Variants in XPO7 observed in about 807,000 individuals in gnomAD.
XPO7 encodes the protein exportin-7.
A neutral mutation model predicts 144.3 loss-of-function variants in XPO7; 21 were observed. That is an observed-to-expected ratio of 0.15 (90% confidence interval 0.10 to 0.21). The LOEUF (loss-of-function observed/expected upper bound fraction) is 0.21. Among genes scored for constraint, XPO7 ranks in the 10% least tolerant of loss-of-function variants. XPO7 has a pLI of 1.00. For missense variants in XPO7, 808 were observed against 1,325.8 expected, an observed-to-expected ratio of 0.61 and a Z score of 6.06; for synonymous variants, 580 against 499.6, an observed-to-expected ratio of 1.16 and a Z score of -2.15.
intron 1 of XPO7, among the ~76,000 whole-genome samples, chr8:21,952,577 GACTT>G (rs1335158680): frequency 6.6e-6 from 1 of 152,184 alleles, no homozygotes; most frequent in Non-Finnish European, 1.5e-5. Context: ...ACTTTGAAAT[GACTT>G]TATAAATTTA....
At chr8:21,969,006 T>C (rs141239644) in intron 2 of XPO7, among the ~76,000 whole-genome samples, 4 of 152,348 alleles carry the variant, frequency 2.6e-5, no homozygotes, top group African/African-American at 4.8e-5. Flanking sequence ...AAAGATACAA[T>C]TTGGAGACAA....
intron 1 of XPO7, among the ~76,000 whole-genome samples, chr8:21,966,555 T>G (rs1467010205): frequency 6.6e-6 from 1 of 152,174 alleles, no homozygotes; most frequent in Non-Finnish European, 1.5e-5. Flanking sequence ...TTCAAAGCCT[T>G]TTAGGAAAGC....
intron 8 of XPO7, among the ~76,000 whole-genome samples, chr8:21,979,409 CGTTTTTTTTT>C (rs1812331194): frequency 8.0e-6 from 1 of 124,738 alleles, no homozygotes; most frequent in Non-Finnish European, 1.7e-5. Context: ...TTTTTTTTTT[CGTTTTTTTTT>C]GTTTTTGAGA....
intron 9 of XPO7, 54 bp from the exon 10 acceptor site, chr8:21,981,677 T>A: frequency 1.9e-6 from 3 of 1,601,368 alleles, no homozygotes; most frequent in Non-Finnish European, 2.6e-6. Flanking sequence ...ACATCATTCT[T>A]GAAGTATGTT....
chr8:21,971,932 A>G lies in XPO7; in HGVS notation c.483A>G (p.Glu161=). 6.2e-7 allele frequency: 1 copy of G among 1,613,598 alleles called. No homozygotes were observed. The highest frequency in any genetic ancestry group is 8.5e-7 in the Non-Finnish European group (1 of 1,179,722). ...CAATTTTATCTCAGCTAACCAATGA[A>G]ATTAATCAAGTAAGTGCTACAGCCT... ...GVTILSQLTN[E]INQADTTHPL... The change falls in exon 5 of 28, where the codon GAA becomes GAG. Residue 161 remains glutamate, a synonymous_variant. Coordinates refer to ENST00000252512, the MANE Select transcript of XPO7 (RefSeq NM_015024.5).
intron 1 of XPO7, among the ~76,000 whole-genome samples, chr8:21,952,235 A>G (rs138559576): frequency 3.3e-5 from 5 of 152,320 alleles, no homozygotes; most frequent in African/African-American, 1.2e-4. Flanking sequence ...TTTGTTACAC[A>G]GTTTGCTAGG....
In XPO7 at chr8:21,977,793, C is replaced by A; in HGVS notation, c.787C>A (p.Gln263Lys). The A allele has an allele frequency of 6.2e-7, 1 of 1,613,988 alleles. No homozygotes were observed. The highest frequency in any genetic ancestry group is 1.1e-5 in the South Asian group (1 of 91,072). ...RSAFLDSSTL[Q>K]LFFDLYHSIP... ...AGCCTTCTTAGATTCTTCAACCTTG[C>A]AGCTGTTTTTTGACCTGTATCATTC... The change falls in exon 8 of 28, where the codon CAG becomes AAG. Residue 263 changes from glutamine to lysine, a missense_variant. By Grantham distance (53) the Gln-to-Lys change is moderately conservative (BLOSUM62 1). Coordinates refer to ENST00000252512, the MANE Select transcript of XPO7 (RefSeq NM_015024.5).
chr8:21,961,802 A>G (rs773232394), intron 1 of XPO7, among the ~76,000 whole-genome samples: 17 of 152,184 alleles, frequency 1.1e-4, no homozygotes, highest in Non-Finnish European at 2.1e-4. Context: ...AGCTGGGACT[A>G]CAGGCACACG....
chr8:21,942,813 T>G (rs1422588991), intron 1 of XPO7, among the ~76,000 whole-genome samples: 1 of 152,250 alleles, frequency 6.6e-6, no homozygotes, highest in Non-Finnish European at 1.5e-5. Flanking sequence ...TCACAAGATG[T>G]GTCCTCAAGT....
rs1813333637 is a variant in XPO7, at chr8:22,006,430, C to G, written c.*1342C>G. 1 of 152,158 alleles carries G rather than the reference C, an allele frequency of 6.6e-6. No homozygotes were observed. The highest frequency in any genetic ancestry group is 6.5e-5 in the Admixed American group (1 of 15,268). The allele number at this position is 152,158 out of a possible 1,614,324, so 9.4% of individuals were successfully genotyped here. A position where few individuals can be genotyped will look rare whatever the true frequency, so the allele number is the denominator to read the frequency against. On this transcript the variant is annotated 3_prime_UTR_variant, in exon 28 of 28. Transcript: ENST00000252512. ...TTATTTTTATTTCTTTCCTCTACCC[C>G]CAGAAACAAGCCTGTTAATTTTTTT... is the stretch of plus-strand genomic sequence containing the variant.
In XPO7 at chr8:22,005,479, G is replaced by T. The variant is rs1813297637; in HGVS notation, c.*391G>T. 1 of 155,358 alleles carries T rather than the reference G, an allele frequency of 6.4e-6. No individual in the cohort carries two copies. Among genetic ancestry groups the T allele is most frequent in the Non-Finnish European group, 1.4e-5 (1 of 70,006 alleles). 9.6% of individuals were successfully genotyped at this position (155,358 alleles called of 1,614,324 possible). The stretch of plus-strand genomic sequence containing the variant: ...ATTGACTCAAGTTTAAAAACAAAAA[G>T]TGTGACTGAAAAATTTTTACAGAGT... On this transcript the variant is annotated 3_prime_UTR_variant, in exon 28 of 28. Transcript: ENST00000252512.
chr8:21,967,066 T>G, intron 2 of XPO7, 63 bp downstream of exon 2: 9 of 1,551,974 alleles, frequency 5.8e-6, no homozygotes, highest in South Asian at 1.2e-5. Flanking sequence ...TCTGGTTCTC[T>G]GTGTAGGAAT....
At chr8:22,003,099 T>C (rs1585488326) in intron 25 of XPO7, 120 bp from the exon 26 acceptor site, 2 of 549,264 alleles carry the variant, frequency 3.6e-6, no homozygotes, top group East Asian at 6.8e-5. Flanking sequence ...ACTATTTGTC[T>C]GATTTACCCT....
At chr8:21,993,435 A>G (rs1368512834) in intron 19 of XPO7, among the ~76,000 whole-genome samples, 1 of 152,150 alleles carries the variant, frequency 6.6e-6, no homozygotes, top group Non-Finnish European at 1.5e-5. Context: ...GTTTTTGCCA[A>G]ACGTGTCAAG....
intron 1 of XPO7, among the ~76,000 whole-genome samples, chr8:21,958,816 C>T (rs992018185): frequency 6.6e-6 from 1 of 151,968 alleles, no homozygotes; most frequent in Admixed American, 6.6e-5. Flanking sequence ...CAAAAACCAG[C>T]CGAACATGGT....
At chr8:21,975,301 T>C (rs916133713) in intron 6 of XPO7, among the ~76,000 whole-genome samples, 1 of 152,248 alleles carries the variant, frequency 6.6e-6, no homozygotes, top group African/African-American at 2.4e-5. Flanking sequence ...AACATCCATT[T>C]AGATTTAATA....
chr8:22,001,997 A>G, intron 24 of XPO7, 115 bp from the exon 25 acceptor site: 1 of 1,274,670 alleles, frequency 7.8e-7, no homozygotes, highest in Non-Finnish European at 1.1e-6. Context: ...CATCTTGAGC[A>G]ACCGCCTTGG....
rs1428512149 is a variant in XPO7 at position 22,006,100 on chromosome 8, G to T, written c.*1012G>T. The T allele has an allele frequency of 3.3e-5, 5 of 152,138 alleles. No homozygotes were observed. Among genetic ancestry groups the T allele is most frequent in the Admixed American group, 3.3e-4 (5 of 15,250 alleles). 9.4% of individuals were successfully genotyped at this position (152,138 alleles called of 1,614,324 possible). A position where few individuals can be genotyped will look rare whatever the true frequency, so the allele number is the denominator to read the frequency against. ...CAGTGTGTGTGGATGTATGCGTGTG[G>T]ATATTTATATATGTACCCTGCACTC... On this transcript the variant is annotated 3_prime_UTR_variant, in exon 28 of 28. Transcript: ENST00000252512.
chr8:21,993,574 T>TA (rs1388056569), intron 19 of XPO7, among the ~76,000 whole-genome samples: 1 of 152,132 alleles, frequency 6.6e-6, no homozygotes, highest in Non-Finnish European at 1.5e-5. Context: ...AAGTAAAAGT[T>TA]TTATTGAGAG....
Sources: gnomAD v4.1 joint callset for allele counts (sites outside exome capture counted in the v4.1 genomes callset) on GRCh38, gnomAD v4.1.1 for gene constraint, MANE v1.5 for transcripts, NCBI Gene and HGNC (gene_info 2026-07-23, HGNC 2026-07-21) for gene names.